Variants in CARF observed in about 807,000 individuals in gnomAD.
CARF encodes calcium responsive transcription factor.
CARF carries 57 observed loss-of-function variants against 82.0 expected under a neutral mutation model. The observed-to-expected ratio is 0.70, with a 90% CI of 0.56 to 0.87. CARF has a LOEUF of 0.87. Among genes scored for constraint, CARF ranks in the 40% least tolerant of loss-of-function variants. The pLI, the probability that CARF is intolerant of heterozygous loss-of-function variation, is 0.00. For synonymous variants in CARF, 268 were observed against 290.1 expected (o/e 0.92, Z 0.77); for missense variants, 771 against 855.8 (o/e 0.90, Z 1.24).
chr2:202,920,172 T>G (rs1313531727), intron 2 of CARF, among the ~76,000 whole-genome samples: 2 of 151,648 alleles, frequency 1.3e-5, no homozygotes, highest in Non-Finnish European at 1.5e-5. Context: ...TTTTTTTTTT[T>G]GAGACGGGGT....
intron 14 of CARF, among the ~76,000 whole-genome samples, chr2:202,978,817 C>T (rs2060132332): frequency 6.6e-6 from 1 of 151,972 alleles, no homozygotes; most frequent in Non-Finnish European, 1.5e-5. Context: ...ATTTTATAGA[C>T]CTAGGACTGT....
chr2:202,964,116 GTCCTGAAAAAACCGTT>G (rs1210881015), intron 9 of CARF, among the ~76,000 whole-genome samples: 1 of 152,130 alleles, frequency 6.6e-6, no homozygotes, highest in Non-Finnish European at 1.5e-5. Flanking sequence ...AGCCAAGTGA[GTCCTGAAAAAACCGTT>G]TTCTGAGCTT....
chr2:202,969,030 C>T (rs1446652370), intron 10 of CARF, among the ~76,000 whole-genome samples: 1 of 152,154 alleles, frequency 6.6e-6, no homozygotes, highest in East Asian at 1.9e-4. Flanking sequence ...TGGCTCACGC[C>T]TATAATCCCA....
intron 3 of CARF, among the ~76,000 whole-genome samples, chr2:202,933,547 C>T (rs1161828332): frequency 6.6e-6 from 1 of 152,128 alleles, no homozygotes; most frequent in Non-Finnish European, 1.5e-5. Context: ...GCAGGGAGTT[C>T]TTCCTGGTTC....
intron 2 of CARF, 114 bp downstream of exon 2, chr2:202,918,157 T>C (rs998064129): frequency 2.0e-5 from 6 of 304,820 alleles, no homozygotes; most frequent in African/African-American, 1.4e-4. Context: ...TTGTTCTATT[T>C]ATGTTTATCA....
chr2:202,954,595 C>G (rs1034697393), intron 7 of CARF, among the ~76,000 whole-genome samples: 1 of 151,736 alleles, frequency 6.6e-6, no homozygotes, highest in African/African-American at 2.4e-5. Context: ...CACCTATAAT[C>G]CCAGCTACTT....
chr2:202,944,231 A>T (rs949380557), intron 5 of CARF, among the ~76,000 whole-genome samples: 8 of 152,154 alleles, frequency 5.3e-5, no homozygotes, highest in African/African-American at 1.9e-4. Flanking sequence ...GATTGTTTTG[A>T]CTGACATATG....
chr2:202,932,266 G>A (rs529931824), intron 3 of CARF, among the ~76,000 whole-genome samples: 17 of 152,232 alleles, frequency 1.1e-4, no homozygotes, highest in East Asian at 1.9e-4. Flanking sequence ...GTGGGGACAC[G>A]GACCCAGACC....
In CARF at chr2:202,954,084, C is replaced by A. The variant is rs1224354727; in HGVS notation, c.507C>A (p.Tyr169Ter). 6.2e-7 allele frequency: 1 copy of A among 1,613,528 alleles called. No individual in the cohort carries two copies. The highest frequency in any genetic ancestry group is 2.2e-5 in the East Asian group (1 of 44,838). ...VDTLADNTSN[Y>*]ILHPQTSFPL... is the part of the protein sequence containing the mutation. ...CTCTAGCAGACAATACCAGCAATTACATTCTTCATCCTCAAACATCCTTCC... is the reference window on the plus strand; with the variant it reads ...CTCTAGCAGACAATACCAGCAATTAAATTCTTCATCCTCAAACATCCTTCC... The change falls in exon 7 of 17, where the codon TAC becomes TAA. Residue 169 changes from tyrosine to a stop codon, truncating the protein, a stop_gained. Transcript: ENST00000438828. LOFTEE classifies it high-confidence loss of function.
At position 202,969,921 on chromosome 2, in the gene CARF, T is replaced by G; in HGVS notation, c.956T>G (p.Ile319Ser). 1 of 1,493,514 alleles carries G rather than the reference T, an allele frequency of 6.7e-7. No homozygotes were observed. The allele number at this position is 1,493,514 out of a possible 1,614,324, so 92.5% of individuals were successfully genotyped here. ...QLYKATCPARIYIKKVQKFPE... is the reference protein window; with the variant it reads ...QLYKATCPARSYIKKVQKFPE... ...ATTCTTCTTTATCTTGTATAAAGGA[T>G]TTACATTAAAAAGGTACAGAAGTTT... Residue 319 changes from isoleucine to serine, a missense_variant and splice_region_variant, in exon 11 of 17, where the codon ATT (isoleucine) becomes AGT (serine). Coordinates refer to ENST00000438828, the MANE Select transcript of CARF (RefSeq NM_024744.17).
intron 8 of CARF, among the ~76,000 whole-genome samples, chr2:202,956,837 G>A (rs1354601825): frequency 6.6e-6 from 1 of 151,962 alleles, no homozygotes; most frequent in Non-Finnish European, 1.5e-5. Flanking sequence ...CACGCAGGCT[G>A]GAGTGCAGTG....
At chr2:202,982,851 G>A (rs2060322157) in intron 16 of CARF, among the ~76,000 whole-genome samples, 1 of 152,092 alleles carries the variant, frequency 6.6e-6, no homozygotes, top group South Asian at 2.1e-4. Flanking sequence ...GAAAGAAGTA[G>A]GCATATATGA....
chr2:202,982,998 A>G (rs898406467), intron 16 of CARF, among the ~76,000 whole-genome samples: 6 of 151,854 alleles, frequency 4.0e-5, no homozygotes, highest in African/African-American at 1.5e-4. Context: ...CGATCTTCCC[A>G]CCTCAGCTTC....
At position 202,967,016 on chromosome 2, in the gene CARF, A is replaced by G; in HGVS notation, c.871A>G (p.Arg291Gly). Residue 291 changes from arginine to glycine, a missense_variant, in exon 10 of 17, where the codon AGA becomes GGA. Transcript: ENST00000438828. ...GGTAATGGAGTGTCAGTATGGGCCA[A>G]GAAGAAAAGGTTTCCAGTTAAAAAA... is the stretch of plus-strand genomic sequence containing the variant. Reference protein sequence around the residue: ...AVVMECQYGPRRKGFQLKKVS... With the variant: ...AVVMECQYGPGRKGFQLKKVS... The G allele has an allele frequency of 6.2e-7, 1 of 1,614,076 alleles. No individual in the cohort carries two copies. Among genetic ancestry groups the G allele is most frequent in the African/African-American group, 1.3e-5 (1 of 75,040 alleles).
chr2:202,925,527 T>C, intron 3 of CARF: 1 of 221,828 alleles, frequency 4.5e-6, no homozygotes, highest in South Asian at 5.7e-5. Flanking sequence ...CTGCAGACGC[T>C]GCCTGGGAAG....
chr2:202,971,643 A>G lies in CARF; in HGVS notation c.1236A>G (p.Ala412=). 1.2e-6 allele frequency: 2 copies of G among 1,613,662 alleles called. No homozygotes were observed. The highest frequency in any genetic ancestry group is 1.7e-6 in the Non-Finnish European group (2 of 1,179,728). Residue 412 remains alanine (A), a synonymous_variant, in exon 12 of 17, where the codon GCA becomes GCG. Coordinates refer to ENST00000438828, the MANE Select transcript of CARF (RefSeq NM_024744.17). ...CTGCAGTTAGAGATGAGAATTGTGC[A>G]TTACCCTCACGTTTACATCCTCAAG... The part of the protein sequence containing the change: ...EETAVRDENC[A]LPSRLHPQVA...
At chr2:202,979,103 A>G (rs762526932) in intron 14 of CARF, among the ~76,000 whole-genome samples, 3 of 152,068 alleles carry the variant, frequency 2.0e-5, no homozygotes, top group African/African-American at 7.2e-5. Flanking sequence ...CTAAAAATAC[A>G]AAAACTAGCT....
intron 5 of CARF, 89 bp from the exon 6 acceptor site, chr2:202,952,470 G>A (rs1354850720): frequency 1.7e-6 from 2 of 1,183,262 alleles, no homozygotes; most frequent in Non-Finnish European, 2.4e-6. Flanking sequence ...ATAGAGCTAG[G>A]TATGTGTTTA....
intron 3 of CARF, among the ~76,000 whole-genome samples, chr2:202,930,968 CTTTTTTTTTTT>C (rs1007407230): frequency 5.8e-5 from 6 of 103,180 alleles, no homozygotes; most frequent in Non-Finnish European, 1.0e-4. Flanking sequence ...TTTTTCTTTT[CTTTTTTTTTTT>C]TTTTTTTTTT....
Sources: gnomAD v4.1 joint callset for allele counts (sites outside exome capture counted in the v4.1 genomes callset) on GRCh38, gnomAD v4.1.1 for gene constraint, MANE v1.5 for transcripts, NCBI Gene and HGNC (gene_info 2026-07-23, HGNC 2026-07-21) for gene names.